The following CLSTN1 variants were observed in gnomAD, a reference collection of about 807,000 sequenced individuals.
CLSTN1 encodes calsyntenin-1.
In CLSTN1, 28 loss-of-function variants were observed where a neutral mutation model predicts 108.3. The ratio of observed to expected loss-of-function variants is 0.26; its 90% CI spans 0.19 to 0.35. The LOEUF is 0.35. Ranked by LOEUF, CLSTN1 falls within the 10% of genes least tolerant of loss-of-function variation. The pLI, the probability that CLSTN1 is intolerant of heterozygous loss-of-function variation, is 1.00. For synonymous variants in CLSTN1, 524 were observed against 534.9 expected, an observed-to-expected ratio of 0.98 and a Z score of 0.28; for missense variants, 1,157 against 1,302.6, an observed-to-expected ratio of 0.89 and a Z score of 1.72.
In CLSTN1 at chr1:9,732,026, C is replaced by T. The variant is rs570980751; in HGVS notation, c.2428-130G>A. The T allele has an allele frequency of 1.5e-4, 140 of 917,430 alleles. No homozygotes were observed. In the East Asian group the frequency reaches 3.1e-3, roughly 20 times the overall value. 56.8% of individuals were successfully genotyped at this position (917,430 alleles called of 1,614,324 possible). On this transcript the variant is annotated intron_variant, in intron 16 of 18. Transcript: ENST00000377298. ...CTCCTGGACCGCAGCTGGGGGCAAA[C>T]GGAGCTACGGGAAAAGGACAGAAAA...
chr1:9,783,172 T>A lies in CLSTN1; in HGVS notation c.92-9778A>T, dbSNP rs186552608. On this transcript the variant is annotated intron_variant, in intron 1 of 18. Transcript: ENST00000377298. ...AGTTCCTTTCCGGTTTATTCACTCATATGGATGGTTCCCCACTTACAGTGG... is the reference window on the plus strand; with the variant it reads ...AGTTCCTTTCCGGTTTATTCACTCAAATGGATGGTTCCCCACTTACAGTGG... 5.8e-4 allele frequency among the ~76,000 whole-genome samples: 89 copies of A among 152,352 alleles called. No homozygotes were observed. In the East Asian group the frequency reaches 6.7e-3, roughly 12 times the overall value.
rs191290556 is a variant in CLSTN1, at chr1:9,733,057, C to G, written c.2427+344G>C. 2.5e-3 allele frequency among the ~76,000 whole-genome samples: 386 copies of G among 152,260 alleles called. 3 individuals carry two copies. The highest frequency in any genetic ancestry group is 8.8e-3 in the African/African-American group (365 of 41,542). ...AAATAAATAAATAAAACCACATCCTCCTGTTTCTCTCATGGGAAATCTCAA... is the reference window on the plus strand; with the variant it reads ...AAATAAATAAATAAAACCACATCCTGCTGTTTCTCTCATGGGAAATCTCAA... On this transcript the variant is annotated intron_variant, in intron 16 of 18. Transcript: ENST00000377298.
Position 9,730,979 on chromosome 1 carries a change from A to C in CLSTN1, c.2748+227T>G. 1.6e-6 allele frequency: 1 copy of C among 634,678 alleles called. No homozygotes were observed. Among genetic ancestry groups the C allele is most frequent in the Non-Finnish European group, 2.7e-6 (1 of 366,294 alleles). 39.3% of individuals were successfully genotyped at this position (634,678 alleles called of 1,614,324 possible). ...ACTCTCTCAGGATTACCATGACCCA[A>C]GAGCGCCAAGCCCTGGCATGGCTCT... On this transcript the variant is annotated intron_variant, in intron 18 of 18. Coordinates refer to ENST00000377298, the MANE Select transcript of CLSTN1 (RefSeq NM_001009566.3). This position sits in a 1 kb window ranked among gnomAD's most constrained non-coding sequence, Gnocchi z 5.6.
chr1:9,768,882 G>A (rs1411157191), intron 2 of CLSTN1, among the ~76,000 whole-genome samples: 3 of 139,922 alleles, frequency 2.1e-5, no homozygotes, highest in Admixed American at 7.4e-5. Context: ...CAAAGCAACA[G>A]AAGAGGGAGG....
chr1:9,788,984 TG>T (rs1166540400), intron 1 of CLSTN1, among the ~76,000 whole-genome samples: 7 of 150,626 alleles, frequency 4.6e-5, no homozygotes, highest in African/African-American at 1.5e-4. Context: ...GTCCTCGAGG[TG>T]CCCCCCTGCT....
rs199811462 is a variant in CLSTN1, at chr1:9,749,749, G to A, written c.799+15C>T. On this transcript the variant is annotated intron_variant, in intron 6 of 18. Coordinates refer to ENST00000377298, the MANE Select transcript of CLSTN1 (RefSeq NM_001009566.3). Reference sequence around the variant, plus strand: ...TAAGAGCAGATGTGAGCGCAGGGGAGAGAATGAAGCTCACCTTGCCACCCA... The same window carrying A: ...TAAGAGCAGATGTGAGCGCAGGGGAAAGAATGAAGCTCACCTTGCCACCCA... 1.9e-6 allele frequency: 3 copies of A among 1,613,728 alleles called. No individual in the cohort carries two copies. The highest frequency in any genetic ancestry group is 2.5e-6 in the Non-Finnish European group (3 of 1,179,898).
chr1:9,814,698 C>G (rs1429843772), intron 1 of CLSTN1, among the ~76,000 whole-genome samples: 2 of 152,098 alleles, frequency 1.3e-5, no homozygotes, highest in Non-Finnish European at 2.9e-5. Context: ...ATGCTTGAGC[C>G]CAAAAGTTCG....
At chr1:9,770,694 A>G (rs901357892) in intron 2 of CLSTN1, among the ~76,000 whole-genome samples, 29 of 152,248 alleles carry the variant, frequency 1.9e-4, no homozygotes, top group African/African-American at 6.0e-4. Flanking sequence ...TGCATGCTTT[A>G]TAAGTGCATG....
rs1459933010 is a variant in CLSTN1, at chr1:9,749,514, C to T, written c.932G>A (p.Gly311Glu). 6.2e-7 allele frequency: 1 copy of T among 1,614,172 alleles called. No individual in the cohort carries two copies. The highest frequency in any genetic ancestry group is 8.5e-7 in the Non-Finnish European group (1 of 1,180,036). ...GTAGGTGTCTCGGTCGCAGCCTTTCCCTATGTGGCTGGTTTCTAGCTCCAC... is the reference window on the plus strand; with the variant it reads ...GTAGGTGTCTCGGTCGCAGCCTTTCTCTATGTGGCTGGTTTCTAGCTCCAC... ...ATVELETSHI[G>E]KGCDRDTYSE... The change falls in exon 7 of 19, where the codon GGG (glycine) becomes GAG (glutamate). Residue 311 changes from glycine (G) to glutamate (E), a missense_variant. Physicochemically the swap from Gly to Glu is moderately conservative, Grantham distance 98. Transcript: ENST00000377298.
chr1:9,739,848 G>A (rs978991819), intron 10 of CLSTN1, among the ~76,000 whole-genome samples: 44 of 135,568 alleles, frequency 3.2e-4, no homozygotes, highest in Non-Finnish European at 5.2e-4. Flanking sequence ...ACGGAGTTTC[G>A]CTCTGTCACC....
At position 9,781,799 on chromosome 1, in the gene CLSTN1, ATTCT is replaced by A. The variant is rs566842451; in HGVS notation, c.92-8409_92-8406del. Among the ~76,000 whole-genome samples the A allele has an allele frequency of 1.2e-4, 18 of 152,098 alleles. No homozygotes were observed. The East Asian group carries it at 3.3e-3, about 28-fold the overall frequency. On this transcript the variant is annotated intron_variant, in intron 1 of 18. Transcript: ENST00000377298. ...CACATCGCCATGTTCATATTTATGT[ATTCT>A]TTATTTATAGCTTTGATAGCTTTAA...
intron 1 of CLSTN1, among the ~76,000 whole-genome samples, chr1:9,797,957 G>T (rs1223166994): frequency 6.6e-6 from 1 of 151,888 alleles, no homozygotes; most frequent in Admixed American, 6.6e-5. Context: ...AGCCAGGCGT[G>T]GGGGTACATG....
At position 9,778,223 on chromosome 1, in the gene CLSTN1, A is replaced by AACACACACAC. The variant is rs57372437; in HGVS notation, c.92-4839_92-4830dup. Among the ~76,000 whole-genome samples the AACACACACAC allele has an allele frequency of 6.8e-3, 912 of 134,486 alleles. 11 individuals carry two copies. The highest frequency in any genetic ancestry group is 0.012 in the African/African-American group (416 of 36,042). 88.2% of individuals were successfully genotyped at this position (134,486 alleles called of 152,430 possible). On this transcript the variant is annotated intron_variant, in intron 1 of 18. Coordinates refer to ENST00000377298, the MANE Select transcript of CLSTN1 (RefSeq NM_001009566.3). ...GGTGGTGGTGTTATTTCTCCTCCCC[A>AACACACACAC]ACACACACACACACACACACACACA...
chr1:9,820,967 T>C (rs576439523), intron 1 of CLSTN1, among the ~76,000 whole-genome samples: 43 of 152,334 alleles, frequency 2.8e-4, no homozygotes, highest in African/African-American at 1.0e-3. Context: ...TTTTATGTAT[T>C]AAGTGGCTTC....
At chr1:9,764,147 G>C (rs1416636483) in intron 2 of CLSTN1, among the ~76,000 whole-genome samples, 9 of 151,914 alleles carry the variant, frequency 5.9e-5, no homozygotes, top group Non-Finnish European at 1.3e-4. Context: ...AGAGAGGTGG[G>C]TGGGGGAGGA....
Position 9,773,500 on chromosome 1 carries a change from T to C in CLSTN1, c.92-106A>G, listed in dbSNP as rs147068718. On this transcript the variant is annotated intron_variant, in intron 1 of 18. Coordinates refer to ENST00000377298, the MANE Select transcript of CLSTN1 (RefSeq NM_001009566.3). Reference sequence around the variant, plus strand: ...GCTATTAAAATAATAAAACTCTCATTAGGCTTGAAGACAGTGCTCACAGTT... The same window carrying C: ...GCTATTAAAATAATAAAACTCTCATCAGGCTTGAAGACAGTGCTCACAGTT... The C allele has an allele frequency of 4.2e-4, 528 of 1,250,344 alleles. 4 individuals carry two copies. In the East Asian group the frequency reaches 0.011, roughly 26 times the overall value. The allele number at this position is 1,250,344 out of a possible 1,614,324, so 77.5% of individuals were successfully genotyped here.
chr1:9,736,468 C>T (rs1650695343), intron 11 of CLSTN1, among the ~76,000 whole-genome samples: 1 of 152,186 alleles, frequency 6.6e-6, no homozygotes, highest in Non-Finnish European at 1.5e-5. Flanking sequence ...TGAACCCACA[C>T]AAGCGAGGCA....
At chr1:9,765,325 G>A (rs905432418) in intron 2 of CLSTN1, among the ~76,000 whole-genome samples, 1 of 151,712 alleles carries the variant, frequency 6.6e-6, no homozygotes, top group African/African-American at 2.4e-5. Flanking sequence ...CGGAGGTTGC[G>A]GTGAGCTGAG....
rs1650420620 is a variant in CLSTN1 at position 9,731,905 on chromosome 1, G to C, written c.2428-9C>G. 1.2e-6 allele frequency: 2 copies of C among 1,614,146 alleles called. No individual in the cohort carries two copies. The highest frequency in any genetic ancestry group is 4.5e-5 in the East Asian group (2 of 44,864). Reference sequence around the variant, plus strand: ...GTGTGGATTACATTCACCTATAGCAGAGAAAGAGAGGATCGCTGGAGACAG... The same window carrying C: ...GTGTGGATTACATTCACCTATAGCACAGAAAGAGAGGATCGCTGGAGACAG... On this transcript the variant is annotated splice_polypyrimidine_tract_variant and intron_variant, in intron 16 of 18. Coordinates refer to ENST00000377298, the MANE Select transcript of CLSTN1 (RefSeq NM_001009566.3).
Sources: allele counts gnomAD v4.1 joint callset (sites outside exome capture counted in the v4.1 genomes callset), GRCh38; gene constraint gnomAD v4.1.1; non-coding constraint Gnocchi (gnomAD v3.1); transcripts MANE v1.5; gene names NCBI Gene and HGNC (gene_info 2026-07-23, HGNC 2026-07-21).